The following TUBGCP3 variants were observed in gnomAD, a reference collection of about 807,000 sequenced individuals.
TUBGCP3 encodes the protein tubulin gamma complex component 3, also known as gamma-tubulin complex component 3.
In TUBGCP3, 50 loss-of-function variants were observed where a neutral mutation model predicts 123.1. The ratio of observed to expected loss-of-function variants is 0.41; its 90% CI spans 0.32 to 0.51. The LOEUF is 0.51. Among genes scored for constraint, TUBGCP3 ranks in the 20% least tolerant of loss-of-function variants. The pLI is 0.36. For missense variants in TUBGCP3, 882 were observed against 1,127.0 expected, an observed-to-expected ratio of 0.78 and a Z score of 3.11; for synonymous variants, 405 against 413.9, an observed-to-expected ratio of 0.98 and a Z score of 0.26.
At chr13:112,586,091 G>T (rs560689158) in intron 1 of TUBGCP3, among the ~76,000 whole-genome samples, 56 of 151,778 alleles carry the variant, frequency 3.7e-4, no homozygotes, top group Non-Finnish European at 6.5e-4. Context: ...TACAAAAAAT[G>T]AGCCAGGCGT....
At chr13:112,506,605 T>C (rs189522349) in intron 17 of TUBGCP3, among the ~76,000 whole-genome samples, 33 of 152,338 alleles carry the variant, frequency 2.2e-4, no homozygotes, top group Admixed American at 1.2e-3. Context: ...CCCAAGTATC[T>C]TTCTTGCCAT....
At position 112,524,505 on chromosome 13, in the gene TUBGCP3, C is replaced by T. The variant is rs901022045; in HGVS notation, c.1556-1996G>A. Reference sequence around the variant, plus strand: ...CTAGGAACTATGAAAGGTCACAACTCGAACACAACTGCTCTCCTGGTTCTT... The same window carrying T: ...CTAGGAACTATGAAAGGTCACAACTTGAACACAACTGCTCTCCTGGTTCTT... On this transcript the variant is annotated intron_variant, in intron 13 of 21. Coordinates refer to ENST00000261965, the MANE Select transcript of TUBGCP3 (RefSeq NM_006322.6). The surrounding 1 kb of genome is among the most constrained non-coding windows in gnomAD (Gnocchi z 4.4). Among the ~76,000 whole-genome samples the T allele has an allele frequency of 6.6e-6, 1 of 152,232 alleles. No homozygotes were observed. Among genetic ancestry groups the T allele is most frequent in the East Asian group, 1.9e-4 (1 of 5,198 alleles).
Position 112,555,096 on chromosome 13 carries a change from T to C in TUBGCP3, c.722-91A>G, listed in dbSNP as rs138558811. 69 of 756,292 alleles carry C rather than the reference T, an allele frequency of 9.1e-5. No homozygotes were observed. The Middle Eastern group carries it at 9.7e-4, about 11-fold the overall frequency. 46.8% of individuals were successfully genotyped at this position (756,292 alleles called of 1,614,324 possible). ...GTGCAATTAGCTTCAGATTAGATAT[T>C]TGCCACCCCGATGAAATTTACTAAC... On this transcript the variant is annotated intron_variant, in intron 6 of 21. Coordinates refer to ENST00000261965, the MANE Select transcript of TUBGCP3 (RefSeq NM_006322.6).
At chr13:112,498,706 TCAAA>T in intron 20 of TUBGCP3, 1 of 1,421,374 alleles carries the variant, frequency 7.0e-7, no homozygotes, top group Non-Finnish European at 9.3e-7. Context: ...TCCACAAGCT[TCAAA>T]CACAGAGTGA....
intron 11 of TUBGCP3, among the ~76,000 whole-genome samples, chr13:112,536,922 C>T (rs1053007220): frequency 7.2e-5 from 11 of 151,878 alleles, no homozygotes; most frequent in Admixed American, 1.3e-4. Flanking sequence ...CAGGTGTGCA[C>T]CACTACACCT....
intron 6 of TUBGCP3, 25 bp from the exon 7 acceptor site, chr13:112,555,030 G>GT (rs1234619567): frequency 2.2e-6 from 3 of 1,391,256 alleles, no homozygotes; most frequent in Non-Finnish European, 3.0e-6. Flanking sequence ...TTTAAAGACA[G>GT]TAATTACTAG....
At chr13:112,510,772 G>C (rs1023264353) in intron 17 of TUBGCP3, among the ~76,000 whole-genome samples, 2 of 152,146 alleles carry the variant, frequency 1.3e-5, no homozygotes, top group Non-Finnish European at 2.9e-5. Flanking sequence ...GATGGGGTGG[G>C]GACTCCCCCA....
chr13:112,555,367 C>T lies in TUBGCP3; in HGVS notation c.722-362G>A, dbSNP rs143281639. On this transcript the variant is annotated intron_variant, in intron 6 of 21. Coordinates refer to ENST00000261965, the MANE Select transcript of TUBGCP3 (RefSeq NM_006322.6). ...TCCTCCAGCTCTCAGATGCTCCTCA[C>T]CTTTGCATTCTACGCAAGGACAGGT... 1.2e-4 allele frequency among the ~76,000 whole-genome samples: 19 copies of T among 152,318 alleles called. 1 individual carries two copies. The highest frequency in any genetic ancestry group is 4.3e-4 in the African/African-American group (18 of 41,578).
chr13:112,532,154 G>A (rs1877630425), intron 11 of TUBGCP3, among the ~76,000 whole-genome samples: 1 of 152,174 alleles, frequency 6.6e-6, no homozygotes, highest in African/African-American at 2.4e-5. Context: ...ACAATAAAAT[G>A]GCAACCGGAC....
intron 19 of TUBGCP3, among the ~76,000 whole-genome samples, chr13:112,501,376 T>C (rs759779739): frequency 1.1e-4 from 17 of 152,224 alleles, no homozygotes; most frequent in Admixed American, 3.3e-4. Context: ...CCCACTGACA[T>C]TGACTTCAAG....
chr13:112,490,474 C>T (rs1464747919), intron 20 of TUBGCP3, among the ~76,000 whole-genome samples: 2 of 152,190 alleles, frequency 1.3e-5, no homozygotes, highest in Admixed American at 6.5e-5. Flanking sequence ...AGGCTTGTCT[C>T]GAACTCCTGA....
At chr13:112,489,046 C>G (rs1879886577) in intron 21 of TUBGCP3, among the ~76,000 whole-genome samples, 1 of 138,416 alleles carries the variant, frequency 7.2e-6, no homozygotes, top group African/African-American at 2.8e-5. Context: ...CACATCCCAC[C>G]ACAGTGGAGC....
chr13:112,603,223 A>G, the TUBGCP3 span: 2 of 152,192 alleles, frequency 1.3e-5, no homozygotes, highest in Admixed American at 1.3e-4. Context: ...TTCTCCATCC[A>G]TGATCACAGA....
At chr13:112,520,124 T>G (rs983281049) in intron 14 of TUBGCP3, 103 bp from the exon 15 acceptor site, 5 of 1,175,980 alleles carry the variant, frequency 4.3e-6, no homozygotes, top group African/African-American at 1.6e-5. Context: ...TTATAAAAAC[T>G]CAAAAGACAA....
At chr13:112,574,065 C>A (rs1016541729) in intron 1 of TUBGCP3, among the ~76,000 whole-genome samples, 2 of 146,920 alleles carry the variant, frequency 1.4e-5, no homozygotes, top group Non-Finnish European at 3.0e-5. Flanking sequence ...CACAGAGAAT[C>A]TTCAAGTGGG....
intron 19 of TUBGCP3, among the ~76,000 whole-genome samples, chr13:112,499,849 T>C (rs1251550698): frequency 1.3e-5 from 2 of 152,214 alleles, no homozygotes; most frequent in Non-Finnish European, 2.9e-5. Flanking sequence ...CTCATTAATC[T>C]TTCTCCTATT....
Position 112,524,263 on chromosome 13 carries a change from T to A in TUBGCP3, c.1556-1754A>T, listed in dbSNP as rs1008249194. On this transcript the variant is annotated intron_variant, in intron 13 of 21. Transcript: ENST00000261965. This position sits in a 1 kb window ranked among gnomAD's most constrained non-coding sequence, Gnocchi z 4.4. ...GCAAATAGCTGTTAAATTGTCTTGG[T>A]TTTTTGTGTATTTTTTTAGTGGCTG... Among the ~76,000 whole-genome samples the A allele has an allele frequency of 6.6e-6, 1 of 152,192 alleles. No individual in the cohort carries two copies. Among genetic ancestry groups the A allele is most frequent in the Admixed American group, 6.5e-5 (1 of 15,280 alleles).
intron 11 of TUBGCP3, chr13:112,544,892 G>A (rs960528190): frequency 2.6e-5 from 4 of 152,168 alleles, no homozygotes; most frequent in African/African-American, 7.2e-5. Flanking sequence ...CAAACCTCAC[G>A]CTTGCTTATT....
chr13:112,492,384 G>A (rs760628482), intron 20 of TUBGCP3, among the ~76,000 whole-genome samples: 4 of 151,926 alleles, frequency 2.6e-5, no homozygotes, highest in African/African-American at 7.3e-5. Context: ...TTTTACTGTC[G>A]TGTAACACAT....
Sources: allele counts gnomAD v4.1 joint callset (sites outside exome capture counted in the v4.1 genomes callset), GRCh38; gene constraint gnomAD v4.1.1; non-coding constraint Gnocchi (gnomAD v3.1); transcripts MANE v1.5; gene names NCBI Gene and HGNC (gene_info 2026-07-23, HGNC 2026-07-21).